ZNF791: variants seen among roughly 807,000 people sequenced by gnomAD.
ZNF791 encodes zinc finger protein 791.
In ZNF791, 4 loss-of-function variants were observed where a neutral mutation model predicts 11.5. That is an observed-to-expected ratio of 0.35 (90% CI 0.17 to 0.80). The LOEUF is 0.80. Among genes scored for constraint, ZNF791 ranks in the 30% least tolerant of loss-of-function variants. The pLI, the probability that ZNF791 is intolerant of heterozygous loss-of-function variation, is 0.53. For synonymous variants in ZNF791, 212 were observed against 228.1 expected (o/e 0.93, Z 0.64); for missense variants, 559 against 699.4 (o/e 0.80, Z 2.26).
chr19:12,621,934 G>T (rs1338193626), intron 1 of ZNF791, among the ~76,000 whole-genome samples: 6 of 118,092 alleles, frequency 5.1e-5, no homozygotes, highest in African/African-American at 1.9e-4. Context: ...GTGGGGAAAA[G>T]ATTGAGAAAT....
At chr19:12,627,679 T>C (rs2023448841) in intron 3 of ZNF791, 42 bp from the exon 4 acceptor site, 1 of 1,478,276 alleles carries the variant, frequency 6.8e-7, no homozygotes, top group African/African-American at 1.4e-5. Flanking sequence ...TATAAAATCA[T>C]TAATACACAA....
intron 1 of ZNF791, among the ~76,000 whole-genome samples, chr19:12,614,892 C>CGTT (rs1191586602): frequency 2.4e-3 from 43 of 17,568 alleles, no homozygotes; most frequent in Non-Finnish European, 4.9e-3. Context: ...TGCGTCCGGC[C>CGTT]TTTTTTTTTT....
chr19:12,613,357 G>A (rs1435404429), intron 1 of ZNF791, among the ~76,000 whole-genome samples: 3 of 151,904 alleles, frequency 2.0e-5, no homozygotes, highest in Non-Finnish European at 2.9e-5. Flanking sequence ...CAAGGAGGGC[G>A]GATCACGAGG....
intron 3 of ZNF791, among the ~76,000 whole-genome samples, chr19:12,627,110 G>T (rs1449541461): frequency 6.6e-6 from 1 of 151,372 alleles, no homozygotes; most frequent in Non-Finnish European, 1.5e-5. Flanking sequence ...GAGCCCGGGA[G>T]GTCAAGGCTG....
Position 12,627,730 on chromosome 19 carries a change from G to T in ZNF791, c.201G>T (p.Thr67=). The T allele has an allele frequency of 6.2e-7, 1 of 1,608,778 alleles. No individual in the cohort carries two copies. The highest frequency in any genetic ancestry group is 1.1e-5 in the South Asian group (1 of 90,738). ...KNQGRNLRSH[T]GERLCEGKEG... is the part of the protein sequence containing the mutation. The stretch of plus-strand genomic sequence containing the variant: ...TTCTAATTTTTTACAGAAGCCATAC[G>T]GGAGAGAGACTCTGTGAAGGTAAAG... The change falls in exon 4 of 4, where the codon ACG becomes ACT. Residue 67 remains threonine (T), a synonymous_variant. Transcript: ENST00000343325.
intron 1 of ZNF791, among the ~76,000 whole-genome samples, chr19:12,619,817 A>T (rs187734119): frequency 2.2e-4 from 34 of 151,130 alleles, no homozygotes; most frequent in African/African-American, 7.8e-4. Context: ...TTTGACATTT[A>T]TATCCTCATT....
chr19:12,617,363 A>G (rs2023260002), intron 1 of ZNF791, among the ~76,000 whole-genome samples: 1 of 151,966 alleles, frequency 6.6e-6, no homozygotes, highest in Non-Finnish European at 1.5e-5. Flanking sequence ...TGACCTCGTG[A>G]TCCGCCCACC....
intron 1 of ZNF791, among the ~76,000 whole-genome samples, chr19:12,617,065 A>AT (rs1363382998): frequency 3.3e-5 from 5 of 151,622 alleles, no homozygotes; most frequent in Non-Finnish European, 7.4e-5. Flanking sequence ...TTTTTGTTGC[A>AT]TTCCACAAAT....
In ZNF791 at chr19:12,623,794, T is replaced by C. The variant is rs1011193580; in HGVS notation, c.98T>C (p.Met33Thr). The change falls in exon 2 of 4, where the codon ATG becomes ACG. Residue 33 changes from methionine (M) to threonine (T), a missense_variant. Transcript: ENST00000343325. ...CAGAAGAAACTCTACAGAGATGTGA[T>C]GCAGGAAACATTCAAGAACCTGGCA... ...PSQKKLYRDVMQETFKNLASI... is the reference protein window; with the variant it reads ...PSQKKLYRDVTQETFKNLASI... 3 of 1,598,488 alleles carry C rather than the reference T, an allele frequency of 1.9e-6. No homozygotes were observed. The highest frequency in any genetic ancestry group is 2.6e-6 in the Non-Finnish European group (3 of 1,172,632).
chr19:12,616,736 T>TA (rs1357107654), intron 1 of ZNF791, among the ~76,000 whole-genome samples: 1 of 152,222 alleles, frequency 6.6e-6, no homozygotes, highest in Non-Finnish European at 1.5e-5. Context: ...TTTTAGATAC[T>TA]AGTCCTTAAT....
intron 2 of ZNF791, 44 bp downstream of exon 2, chr19:12,623,870 T>TGCG: frequency 2.8e-6 from 2 of 712,926 alleles, no homozygotes; most frequent in Non-Finnish European, 4.1e-6. Flanking sequence ...TTTTTTTTTT[T>TGCG]GGGGGGGGAC....
At chr19:12,624,446 C>G (rs548924982) in intron 2 of ZNF791, among the ~76,000 whole-genome samples, 2 of 152,254 alleles carry the variant, frequency 1.3e-5, no homozygotes, top group South Asian at 4.2e-4. Flanking sequence ...AGCCACCGCA[C>G]CCCAGTGACA....
chr19:12,613,381 A>C (rs1016201468), intron 1 of ZNF791, among the ~76,000 whole-genome samples: 1 of 151,822 alleles, frequency 6.6e-6, no homozygotes, highest in African/African-American at 2.4e-5. Flanking sequence ...GGAGCTCGAG[A>C]CCATCCTGGC....
At chr19:12,623,584 G>T in intron 1 of ZNF791, 116 bp from the exon 2 acceptor site, 1 of 1,302,242 alleles carries the variant, frequency 7.7e-7, no homozygotes, top group Non-Finnish European at 1.1e-6. Flanking sequence ...TCTAACAATT[G>T]AGTCATGCAC....
chr19:12,623,505 C>A, intron 1 of ZNF791, 195 bp from the exon 2 acceptor site: 1 of 604,818 alleles, frequency 1.7e-6, no homozygotes, highest in Non-Finnish European at 2.8e-6. Context: ...CATTAGAGAG[C>A]AATAGGACTT....
At chr19:12,611,746 C>G (rs149660088) in intron 1 of ZNF791, among the ~76,000 whole-genome samples, 1 of 152,158 alleles carries the variant, frequency 6.6e-6, no homozygotes, top group Non-Finnish European at 1.5e-5. Flanking sequence ...CATCCTGGTA[C>G]CTTTCCAGGG....
chr19:12,626,712 C>G (rs1043566948), intron 3 of ZNF791, among the ~76,000 whole-genome samples: 1 of 152,050 alleles, frequency 6.6e-6, no homozygotes, highest in Non-Finnish European at 1.5e-5. Context: ...TCACGCCATT[C>G]TCCTGCCTCA....
At position 12,623,848 on chromosome 19, in the gene ZNF791, CT is replaced by C. The variant is rs753518795; in HGVS notation, c.130+28del. 3.8e-5 allele frequency: 30 copies of C among 798,942 alleles called. 2 individuals are homozygous for C. The highest frequency in any genetic ancestry group is 4.9e-5 in the Non-Finnish European group (29 of 587,360). 49.5% of individuals were successfully genotyped at this position (798,942 alleles called of 1,614,324 possible). On this transcript the variant is annotated intron_variant, in intron 2 of 3. Transcript: ENST00000343325. ...ATAGGTAAGGATGACATCATTTTTT[CT>C]TTTTTCTTTTTTTTTTTTTTTGGGG...
Position 12,627,799 on chromosome 19 carries a change from G to T in ZNF791, c.270G>T (p.Val90=). ...AAAACTTCAGTCCCAATCTCAGTGT[G>T]ACGAAGAAGACTGCCGGAGTAAAAC... ...CAENFSPNLS[V]TKKTAGVKPY... Residue 90 remains valine (V), a synonymous_variant, in exon 4 of 4, where the codon GTG becomes GTT. Coordinates refer to ENST00000343325, the MANE Select transcript of ZNF791 (RefSeq NM_153358.3). 6.2e-7 allele frequency: 1 copy of T among 1,614,196 alleles called. No individual in the cohort carries two copies. Among genetic ancestry groups the T allele is most frequent in the Non-Finnish European group, 8.5e-7 (1 of 1,180,024 alleles).
Sources: allele counts gnomAD v4.1 joint callset (sites outside exome capture counted in the v4.1 genomes callset), GRCh38; gene constraint gnomAD v4.1.1; transcripts MANE v1.5; gene names NCBI Gene and HGNC (gene_info 2026-07-23, HGNC 2026-07-21).